Variants in LIMK2 observed in about 807,000 individuals in gnomAD.
The protein encoded by LIMK2 is LIM domain kinase 2.
In LIMK2, 35 loss-of-function variants were observed where a neutral mutation model predicts 75.7. The observed-to-expected ratio is 0.46, with a 90% CI of 0.35 to 0.61. LIMK2 has a LOEUF of 0.61. Among genes scored for constraint, LIMK2 ranks in the 20% least tolerant of loss-of-function variants. The pLI is 0.00. For synonymous variants in LIMK2, 301 were observed against 319.2 expected, an observed-to-expected ratio of 0.94 and a Z score of 0.61; for missense variants, 623 against 831.0, an observed-to-expected ratio of 0.75 and a Z score of 3.08.
intron 2 of LIMK2, among the ~76,000 whole-genome samples, chr22:31,229,406 C>T (rs111850858): frequency 5.9e-4 from 90 of 152,202 alleles, no homozygotes; most frequent in Non-Finnish European, 9.6e-4. Context: ...TTTGTCTGAC[C>T]CCAGAGATAA....
At chr22:31,232,238 C>G (rs1311848354) in intron 2 of LIMK2, among the ~76,000 whole-genome samples, 2 of 140,932 alleles carry the variant, frequency 1.4e-5, no homozygotes, top group Non-Finnish European at 3.1e-5. Flanking sequence ...CTGCTTTCCA[C>G]TAGGACTCCC....
chr22:31,213,817 C>CTTTTTTTTTTTTTTTTTT (rs71689139), intron 1 of LIMK2, among the ~76,000 whole-genome samples: 2 of 145,334 alleles, frequency 1.4e-5, no homozygotes, highest in African/African-American at 2.6e-5. Flanking sequence ...TTTCCAGTAA[C>CTTTTTTTTTTTTTTTTTT]TTTTTTTTTT....
chr22:31,231,079 G>T (rs1489810563), intron 2 of LIMK2, among the ~76,000 whole-genome samples: 2 of 152,200 alleles, frequency 1.3e-5, no homozygotes, highest in Non-Finnish European at 2.9e-5. Context: ...GCTGAGATTT[G>T]AACTCAGGCA....
At chr22:31,247,307 G>A (rs1453582092) in intron 2 of LIMK2, among the ~76,000 whole-genome samples, 1 of 152,162 alleles carries the variant, frequency 6.6e-6, no homozygotes, top group East Asian at 1.9e-4. Flanking sequence ...CTCTGGTTTG[G>A]TCATCGTCAC....
Position 31,277,870 on chromosome 22 carries a change from GGTC to G in LIMK2, c.1773-423_1773-421del, listed in dbSNP as rs2049048205. Among the ~76,000 whole-genome samples, 7 of 152,252 alleles carry G rather than the reference GGTC, an allele frequency of 4.6e-5. No homozygotes were observed. In the South Asian group the frequency reaches 1.2e-3, roughly 27 times the overall value. ...GGGTACCAGTTGCAATTTTAAATAT[GGTC>G]GTCAGAGCAGGCCTCACTGAGGTGA... On this transcript the variant is annotated intron_variant, in intron 15 of 15. Transcript: ENST00000331728.
chr22:31,242,113 T>C (rs945975480), intron 2 of LIMK2, among the ~76,000 whole-genome samples: 6 of 152,200 alleles, frequency 3.9e-5, no homozygotes, highest in Non-Finnish European at 5.9e-5. Flanking sequence ...ACATTCTTAC[T>C]GTCTGGATAT....
At chr22:31,213,789 G>A in intron 1 of LIMK2, among the ~76,000 whole-genome samples, 1 of 150,344 alleles carries the variant, frequency 6.7e-6, no homozygotes, top group South Asian at 2.1e-4. Context: ...AGCTTACAGA[G>A]TCCTTCAACT....
In LIMK2 at chr22:31,260,199, C is replaced by T. The variant is rs975839918; in HGVS notation, c.551+122C>T. 1.1e-4 allele frequency: 86 copies of T among 798,160 alleles called. No individual in the cohort carries two copies. The African/African-American group carries it at 1.3e-3, about 12-fold the overall frequency. 49.4% of individuals were successfully genotyped at this position (798,160 alleles called of 1,614,324 possible). ...CTTTATTCTCATCTCATATCTTTCT[C>T]CTGGACCCCACTATGCTGTAACCGT... is the stretch of plus-strand genomic sequence containing the variant. On this transcript the variant is annotated intron_variant, in intron 5 of 15. Transcript: ENST00000331728.
At chr22:31,258,562 C>G in intron 3 of LIMK2, 136 bp downstream of exon 3, 1 of 855,332 alleles carries the variant, frequency 1.2e-6, no homozygotes, top group Non-Finnish European at 1.8e-6. Flanking sequence ...ATTCATTCAA[C>G]TAGCAGGTAT....
At chr22:31,269,221 T>A (rs1853653894) in intron 11 of LIMK2, among the ~76,000 whole-genome samples, 1 of 151,940 alleles carries the variant, frequency 6.6e-6, no homozygotes, top group South Asian at 2.1e-4. Flanking sequence ...TCCTCCTGCC[T>A]TAGCCTCCCA....
intron 1 of LIMK2, among the ~76,000 whole-genome samples, chr22:31,221,615 G>T (rs978329782): frequency 6.6e-6 from 1 of 152,040 alleles, no homozygotes; most frequent in African/African-American, 2.4e-5. Context: ...CTCCTGAGTA[G>T]CTGGGACTAC....
chr22:31,225,159 T>A (rs1472933782), intron 1 of LIMK2, among the ~76,000 whole-genome samples: 1 of 152,092 alleles, frequency 6.6e-6, no homozygotes, highest in East Asian at 1.9e-4. Flanking sequence ...GTGGAAAAAT[T>A]GGCCCCTGGT....
intron 2 of LIMK2, 28 bp from the exon 3 acceptor site, chr22:31,258,263 G>A (rs1430600193): frequency 2.5e-6 from 4 of 1,573,154 alleles, no homozygotes; most frequent in Non-Finnish European, 3.5e-6. Context: ...GGATCCAGGA[G>A]AATTTCAGTT....
At chr22:31,248,914 A>G (rs987726792) in intron 2 of LIMK2, 3 of 849,460 alleles carry the variant, frequency 3.5e-6, no homozygotes, top group South Asian at 3.1e-5. Context: ...CCCAAGGAGA[A>G]TCGGCCTTGT....
At chr22:31,266,534 C>A (rs907497372) in intron 8 of LIMK2, among the ~76,000 whole-genome samples, 5 of 152,286 alleles carry the variant, frequency 3.3e-5, no homozygotes, top group Admixed American at 3.3e-4. Flanking sequence ...CTGCTGAGAA[C>A]TGGGAGGGGG....
chr22:31,248,499 C>A (rs1450588121), intron 2 of LIMK2: 10 of 1,544,408 alleles, frequency 6.5e-6, no homozygotes, highest in Non-Finnish European at 8.7e-6. Context: ...GAGGAGCCAT[C>A]CCAGCCATGA....
chr22:31,250,379 AGAG>A (rs1819357809), intron 2 of LIMK2, among the ~76,000 whole-genome samples: 1 of 152,134 alleles, frequency 6.6e-6, no homozygotes, highest in Non-Finnish European at 1.5e-5. Flanking sequence ...CTTCTCAGGA[AGAG>A]GAGAAGCTAG....
intron 2 of LIMK2, among the ~76,000 whole-genome samples, chr22:31,256,324 T>TCTAG (rs1318406951): frequency 4.0e-5 from 6 of 150,456 alleles, no homozygotes; most frequent in South Asian, 2.1e-4. Context: ...ATAAGCTATC[T>TCTAG]CTAGCTAGCT....
At chr22:31,260,894 G>T (rs578216448) in intron 5 of LIMK2, among the ~76,000 whole-genome samples, 8 of 152,340 alleles carry the variant, frequency 5.3e-5, no homozygotes, top group African/African-American at 1.9e-4. Context: ...CCTGGATTAT[G>T]AAAATCCAGC....
Sources: gnomAD v4.1 joint callset for allele counts (sites outside exome capture counted in the v4.1 genomes callset) on GRCh38, gnomAD v4.1.1 for gene constraint, MANE v1.5 for transcripts, NCBI Gene and HGNC (gene_info 2026-07-23, HGNC 2026-07-21) for gene names.